SCARA5: variants seen among roughly 807,000 people sequenced by gnomAD.
SCARA5 encodes scavenger receptor class A, member 5 (putative).
Under a neutral mutation model 46.3 loss-of-function variants are expected in SCARA5, and 45 were observed. The ratio of observed to expected loss-of-function variants is 0.97; its 90% CI spans 0.76 to 1.24. The LOEUF (loss-of-function observed/expected upper bound fraction) is 1.24, where lower values mean the gene tolerates loss of function less well. SCARA5 is among the 50% of genes most tolerant of loss of function. The probability of loss-of-function intolerance (pLI) is 0.00; values close to 1 mark genes in which losing one functional copy is unlikely to be tolerated. For missense variants in SCARA5, 680 were observed against 689.0 expected, an observed-to-expected ratio of 0.99 and a Z score of 0.15; for synonymous variants, 333 against 306.5, an observed-to-expected ratio of 1.09 and a Z score of -0.90.
chr8:27,901,520 T>C (rs1807153632), intron 7 of SCARA5, among the ~76,000 whole-genome samples: 1 of 152,082 alleles, frequency 6.6e-6, no homozygotes, highest in Non-Finnish European at 1.5e-5. Context: ...TTCCACACTT[T>C]TCTGAAAGCT....
chr8:27,953,623 G>T (rs1808164952), intron 3 of SCARA5, among the ~76,000 whole-genome samples: 1 of 152,234 alleles, frequency 6.6e-6, no homozygotes, highest in African/African-American at 2.4e-5. Flanking sequence ...CTAGACGGCA[G>T]TTGCTAGCAC....
chr8:27,989,830 C>A (rs1010163787), intron 1 of SCARA5, among the ~76,000 whole-genome samples: 1 of 152,226 alleles, frequency 6.6e-6, no homozygotes, highest in African/African-American at 2.4e-5. Context: ...GGTGGGGCCG[C>A]GGGCAGCTCC....
At chr8:27,879,497 G>A (rs1224784644) in intron 8 of SCARA5, 72 bp downstream of exon 8, 1 of 1,451,022 alleles carries the variant, frequency 6.9e-7, no homozygotes, top group African/African-American at 1.4e-5. Context: ...AGGGACTCGG[G>A]CTTTGGAGGT....
At position 27,905,524 on chromosome 8, in the gene SCARA5, G is replaced by GGCGGGGGGGC. The variant is rs201408036; in HGVS notation, c.1097-691_1097-690insGCCCCCCCGC. On this transcript the variant is annotated intron_variant, in intron 6 of 8. Transcript: ENST00000354914. ...GAATGCCCAGGATGATCCAAGATTT[G>GGCGGGGGGGC]GGGGGGGGAAAAAAAAAAGGCAGCC... 9.7e-5 allele frequency among the ~76,000 whole-genome samples: 3 copies of GGCGGGGGGGC among 30,960 alleles called. 1 individual carries two copies. The highest frequency in any genetic ancestry group is 2.1e-4 in the Non-Finnish European group (3 of 14,128). The allele number at this position is 30,960 out of a possible 152,430, so 20.3% of individuals were successfully genotyped here.
intron 3 of SCARA5, among the ~76,000 whole-genome samples, chr8:27,955,325 A>AC (rs1808191665): frequency 6.6e-6 from 1 of 152,112 alleles, no homozygotes; most frequent in Admixed American, 6.6e-5. Context: ...GGGCCACCCT[A>AC]CCCCCAGTTC....
At chr8:27,916,598 A>G (rs1383049049) in intron 4 of SCARA5, among the ~76,000 whole-genome samples, 1 of 152,202 alleles carries the variant, frequency 6.6e-6, no homozygotes, top group Non-Finnish European at 1.5e-5. Context: ...AATGCCTGGA[A>G]GCTTTTCTAG....
chr8:27,897,076 A>C (rs1190820796), intron 7 of SCARA5, among the ~76,000 whole-genome samples: 3 of 143,470 alleles, frequency 2.1e-5, no homozygotes, highest in Non-Finnish European at 4.6e-5. Context: ...TGGGCGACAG[A>C]GTGAGACTCG....
intron 3 of SCARA5, among the ~76,000 whole-genome samples, chr8:27,922,951 C>T (rs1260755488): frequency 6.6e-6 from 1 of 152,222 alleles, no homozygotes; most frequent in African/African-American, 2.4e-5. Flanking sequence ...AGACATGAAT[C>T]TGCTGGCACC....
intron 7 of SCARA5, among the ~76,000 whole-genome samples, chr8:27,892,599 C>A (rs934001663): frequency 1.3e-5 from 2 of 148,580 alleles, no homozygotes; most frequent in Non-Finnish European, 3.0e-5. Flanking sequence ...CCTCTCCATA[C>A]CTCACCCTTT....
chr8:27,907,572 C>CTTTTTT lies in SCARA5; in HGVS notation c.998-332_998-327dup, dbSNP rs144977060. Among the ~76,000 whole-genome samples, 9 of 97,262 alleles carry CTTTTTT rather than the reference C, an allele frequency of 9.3e-5. 1 individual carries two copies. Among genetic ancestry groups the CTTTTTT allele is most frequent in the African/African-American group, 1.6e-4 (4 of 25,468 alleles). The allele number at this position is 97,262 out of a possible 152,430, so 63.8% of individuals were successfully genotyped here. A position where few individuals can be genotyped will look rare whatever the true frequency, so the allele number is the denominator to read the frequency against. Reference sequence around the variant, plus strand: ...GCTGGAGACTTAGAATCAGCAAACACTTTTTTTTTTTTTTTTTTTTGAGAC... The same window carrying CTTTTTT: ...GCTGGAGACTTAGAATCAGCAAACACTTTTTTTTTTTTTTTTTTTTTTTTTTGAGAC... On this transcript the variant is annotated intron_variant, in intron 5 of 8. Coordinates refer to ENST00000354914, the MANE Select transcript of SCARA5 (RefSeq NM_173833.6).
chr8:27,879,718 G>A lies in SCARA5; in HGVS notation c.1202C>T (p.Pro401Leu), dbSNP rs771356304. 8 of 1,612,918 alleles carry A rather than the reference G, an allele frequency of 5.0e-6. No individual in the cohort carries two copies. Among genetic ancestry groups the A allele is most frequent in the South Asian group, 3.3e-5 (3 of 91,078 alleles). Residue 401 changes from proline to leucine, a missense_variant, in exon 8 of 9, where the codon CCG becomes CTG. Coordinates refer to ENST00000354914, the MANE Select transcript of SCARA5 (RefSeq NM_173833.6). ...MMIRLVNGSGPHEGRVEVYHD... is the reference protein window; with the variant it reads ...MMIRLVNGSGLHEGRVEVYHD... Reference sequence around the variant, plus strand: ...GTACACTTCCACGCGGCCCTCGTGCGGACCTGAGCCATTCACCAGGCGGAT... The same window carrying A: ...GTACACTTCCACGCGGCCCTCGTGCAGACCTGAGCCATTCACCAGGCGGAT...
In SCARA5 at chr8:27,909,751, G is replaced by A. The variant is rs1319207740; in HGVS notation, c.917-8C>T. Reference sequence around the variant, plus strand: ...CTTTGGGTCCCGGTGGCCCTGGAAAGGCAAAAACAGCACTGAGGTTAGGGG... The same window carrying A: ...CTTTGGGTCCCGGTGGCCCTGGAAAAGCAAAAACAGCACTGAGGTTAGGGG... On this transcript the variant is annotated splice_polypyrimidine_tract_variant and splice_region_variant and intron_variant, in intron 4 of 8. Coordinates refer to ENST00000354914, the MANE Select transcript of SCARA5 (RefSeq NM_173833.6). 2 of 1,547,628 alleles carry A rather than the reference G, an allele frequency of 1.3e-6. No homozygotes were observed. Among genetic ancestry groups the A allele is most frequent in the East Asian group, 2.5e-5 (1 of 40,816 alleles).
chr8:27,956,807 T>C (rs867208288), intron 3 of SCARA5, among the ~76,000 whole-genome samples: 10 of 152,218 alleles, frequency 6.6e-5, no homozygotes, highest in Non-Finnish European at 1.2e-4. Context: ...TGGCACCTGG[T>C]AAGTGTTTGT....
intron 3 of SCARA5, among the ~76,000 whole-genome samples, chr8:27,932,355 T>C (rs368759806): frequency 2.2e-4 from 33 of 152,210 alleles, no homozygotes; most frequent in East Asian, 1.5e-3. Context: ...CTAACTACTG[T>C]CGATCTTCTG....
chr8:27,875,964 G>T (rs937943549), intron 8 of SCARA5, among the ~76,000 whole-genome samples: 1 of 152,138 alleles, frequency 6.6e-6, no homozygotes, highest in African/African-American at 2.4e-5. Context: ...TTGCACCACT[G>T]CACTCCATGG....
chr8:27,966,408 T>A lies in SCARA5; in HGVS notation c.241+6A>T. On this transcript the variant is annotated splice_donor_region_variant and intron_variant, in intron 3 of 8. Transcript: ENST00000354914. ...AAAGACCAGGACAAAAATGGCCTGCTCTTACCTGCTAAGATGAAGATGCCC... is the reference window on the plus strand; with the variant it reads ...AAAGACCAGGACAAAAATGGCCTGCACTTACCTGCTAAGATGAAGATGCCC... The A allele has an allele frequency of 6.2e-7, 1 of 1,603,262 alleles. No individual in the cohort carries two copies. The highest frequency in any genetic ancestry group is 8.5e-7 in the Non-Finnish European group (1 of 1,176,748).
intron 2 of SCARA5, among the ~76,000 whole-genome samples, chr8:27,985,220 T>C (rs150631111): frequency 9.3e-5 from 14 of 150,942 alleles, no homozygotes; most frequent in African/African-American, 3.4e-4. Flanking sequence ...GAAAGGGGGA[T>C]GGAAACTCAG....
intron 3 of SCARA5, among the ~76,000 whole-genome samples, chr8:27,964,450 C>T (rs144440988): frequency 1.1e-4 from 16 of 152,288 alleles, no homozygotes; most frequent in Non-Finnish European, 1.2e-4. Context: ...GGCAACATTT[C>T]TATTAGATTG....
chr8:27,874,089 C>A (rs942785594), intron 8 of SCARA5, among the ~76,000 whole-genome samples: 2 of 152,206 alleles, frequency 1.3e-5, no homozygotes, highest in Admixed American at 1.3e-4. Flanking sequence ...CCTCTGTGTG[C>A]TCAGTACCAT....
Sources: gnomAD v4.1 joint callset for allele counts (sites outside exome capture counted in the v4.1 genomes callset) on GRCh38, gnomAD v4.1.1 for gene constraint, MANE v1.5 for transcripts, NCBI Gene and HGNC (gene_info 2026-07-23, HGNC 2026-07-21) for gene names.